Variants in RANBP2 observed in about 807,000 individuals in gnomAD.
RANBP2 encodes the protein E3 SUMO-protein ligase RanBP2.
RANBP2 carries 57 observed loss-of-function variants against 303.6 expected under a neutral mutation model. The ratio of observed to expected loss-of-function variants is 0.19; its 90% CI spans 0.15 to 0.23. The LOEUF (loss-of-function observed/expected upper bound fraction) is 0.23. Ranked by LOEUF, RANBP2 falls within the 10% of genes least tolerant of loss-of-function variation. The pLI is 1.00. For synonymous variants in RANBP2, 1,167 were observed against 1,301.5 expected, an observed-to-expected ratio of 0.90 and a Z score of 2.23; for missense variants, 3,138 against 3,780.8, an observed-to-expected ratio of 0.83 and a Z score of 4.46.
chr2:109,324,853 C>T, the RANBP2 span, among the ~76,000 whole-genome samples: 13 of 152,202 alleles, frequency 8.5e-5, no homozygotes, highest in African/African-American at 3.1e-4. Flanking sequence ...GAGGTGTGTG[C>T]AAGCACGCAC....
At chr2:109,454,574 C>A in the RANBP2 span, among the ~76,000 whole-genome samples, 1 of 152,268 alleles carries the variant, frequency 6.6e-6, no homozygotes, top group East Asian at 1.9e-4. Flanking sequence ...GCTGAGGTTC[C>A]CCAAGGCTCT....
chr2:109,612,495 T>C, the RANBP2 span, among the ~76,000 whole-genome samples: 1 of 152,224 alleles, frequency 6.6e-6, no homozygotes, highest in African/African-American at 2.4e-5. Context: ...TACTGTATTA[T>C]TTCTTACAAC....
the RANBP2 span, chr2:109,449,073 C>G: frequency 2.8e-6 from 4 of 1,417,306 alleles, no homozygotes; most frequent in East Asian, 2.5e-5. Context: ...TGTGAGTGCT[C>G]GAGAAGGGAG....
chr2:109,741,312 T>C, the RANBP2 span, among the ~76,000 whole-genome samples: 1 of 152,146 alleles, frequency 6.6e-6, no homozygotes, highest in African/African-American at 2.4e-5. Context: ...GTCATGATTA[T>C]ATGAATAGAT....
chr2:109,029,088 GTGAT>G, the RANBP2 span, among the ~76,000 whole-genome samples: 6 of 151,618 alleles, frequency 4.0e-5, no homozygotes, highest in African/African-American at 1.5e-4. Flanking sequence ...CCCGGCCTAT[GTGAT>G]TGTTTATTTC....
chr2:108,794,945 T>G, the RANBP2 span, among the ~76,000 whole-genome samples: 1 of 152,262 alleles, frequency 6.6e-6, no homozygotes, highest in Non-Finnish European at 1.5e-5. Context: ...GGTGTGTGTT[T>G]CAGACTGTCT....
chr2:109,432,796 C>T, the RANBP2 span: 1 of 1,315,572 alleles, frequency 7.6e-7, no homozygotes, highest in Non-Finnish European at 1.0e-6. Flanking sequence ...CACCAGTGCC[C>T]AGGGTTCAGC....
At chr2:109,013,513 G>A in the RANBP2 span, among the ~76,000 whole-genome samples, 10 of 151,994 alleles carry the variant, frequency 6.6e-5, no homozygotes, top group Admixed American at 1.3e-4. Context: ...TGTGTGCTCC[G>A]GTGACGTTGC....
chr2:109,217,381 A>G, the RANBP2 span, among the ~76,000 whole-genome samples: 33 of 152,320 alleles, frequency 2.2e-4, no homozygotes, highest in African/African-American at 7.7e-4. Context: ...CTACAGGTCA[A>G]ATTCCCATCT....
chr2:109,643,183 C>A, the RANBP2 span, among the ~76,000 whole-genome samples: 1 of 128,134 alleles, frequency 7.8e-6, no homozygotes, highest in Non-Finnish European at 1.8e-5. Context: ...GAGCAAAACT[C>A]TTTTCAAAAG....
the RANBP2 span, among the ~76,000 whole-genome samples, chr2:109,283,315 A>G: frequency 4.6e-5 from 7 of 152,052 alleles, no homozygotes; most frequent in African/African-American, 1.7e-4. Flanking sequence ...GGCCTGCTGG[A>G]CACCTGCTCC....
chr2:108,834,551 A>G, the RANBP2 span, among the ~76,000 whole-genome samples: 1 of 152,224 alleles, frequency 6.6e-6, no homozygotes, highest in African/African-American at 2.4e-5. Context: ...ATTGTCAAAT[A>G]GTTGACATCA....
chr2:109,516,663 G>T, the RANBP2 span, among the ~76,000 whole-genome samples: 1 of 152,136 alleles, frequency 6.6e-6, no homozygotes, highest in Non-Finnish European at 1.5e-5. Flanking sequence ...CTGGCCTCTC[G>T]CAGGAGCCCC....
At chr2:109,026,915 A>C in the RANBP2 span, among the ~76,000 whole-genome samples, 3 of 152,058 alleles carry the variant, frequency 2.0e-5, no homozygotes, top group Non-Finnish European at 4.4e-5. Context: ...TTAGCCAGGC[A>C]TGGTGGTGGG....
chr2:109,171,521 C>T, the RANBP2 span, among the ~76,000 whole-genome samples: 2 of 152,256 alleles, frequency 1.3e-5, no homozygotes, highest in South Asian at 2.1e-4. Flanking sequence ...GTATGGTCAG[C>T]GCTGTGGCTT....
chr2:109,462,371 G>C, the RANBP2 span, among the ~76,000 whole-genome samples: 1 of 152,034 alleles, frequency 6.6e-6, no homozygotes, highest in Non-Finnish European at 1.5e-5. Context: ...GATACCAAGA[G>C]GTGTGGTGGA....
chr2:109,606,051 A>G, the RANBP2 span, among the ~76,000 whole-genome samples: 1 of 152,238 alleles, frequency 6.6e-6, no homozygotes, highest in African/African-American at 2.4e-5. Flanking sequence ...TTGTGCAAGG[A>G]TGTGTGAAAG....
the RANBP2 span, among the ~76,000 whole-genome samples, chr2:109,492,383 C>T: frequency 6.6e-6 from 1 of 152,128 alleles, no homozygotes; most frequent in Non-Finnish European, 1.5e-5. Context: ...CTGCAGAACC[C>T]GCAGCTACTG....
chr2:109,023,189 GTCA>G, the RANBP2 span, among the ~76,000 whole-genome samples: 20 of 152,350 alleles, frequency 1.3e-4, no homozygotes, highest in South Asian at 1.9e-3. Flanking sequence ...ACTGAGCACT[GTCA>G]TCATGAATGC....
Sources: gnomAD v4.1 joint callset for allele counts (sites outside exome capture counted in the v4.1 genomes callset) on GRCh38, gnomAD v4.1.1 for gene constraint, MANE v1.5 for transcripts, NCBI Gene and HGNC (gene_info 2026-07-23, HGNC 2026-07-21) for gene names.